KLHL1: variants seen among roughly 807,000 people sequenced by gnomAD.
KLHL1 encodes the protein kelch-like protein 1.
A neutral mutation model predicts 77.7 loss-of-function variants in KLHL1; 47 were observed. That is an observed-to-expected ratio of 0.60 (90% confidence interval 0.48 to 0.77). KLHL1 has a LOEUF of 0.77. Among genes scored for constraint, KLHL1 ranks in the 30% least tolerant of loss-of-function variants. The pLI is 0.00. For synonymous variants in KLHL1, 360 were observed against 325.2 expected, an observed-to-expected ratio of 1.11 and a Z score of -1.15; for missense variants, 925 against 910.8, an observed-to-expected ratio of 1.02 and a Z score of -0.20.
At chr13:69,777,132 C>T (rs1397777445) in intron 7 of KLHL1, among the ~76,000 whole-genome samples, 1 of 152,012 alleles carries the variant, frequency 6.6e-6, no homozygotes, top group African/African-American at 2.4e-5. Flanking sequence ...GGGCAGTTTC[C>T]CTGCACATGC....
chr13:69,825,938 T>A (rs1011850086), intron 6 of KLHL1, among the ~76,000 whole-genome samples: 65 of 152,212 alleles, frequency 4.3e-4, no homozygotes, highest in Admixed American at 2.0e-4. Flanking sequence ...ATTATAGAAC[T>A]TTTATTTGAC....
intron 6 of KLHL1, among the ~76,000 whole-genome samples, chr13:69,816,257 T>G (rs1828973893): frequency 1.3e-5 from 2 of 151,050 alleles, no homozygotes; most frequent in Admixed American, 1.3e-4. Context: ...AATGGAAAAT[T>G]TTTTTTCTTT....
chr13:69,740,497 G>C lies in KLHL1; in HGVS notation c.1699C>G (p.Leu567Val). Residue 567 changes from leucine (L) to valine (V), a missense_variant, in exon 8 of 11, where the codon CTG (leucine) becomes GTG (valine). Transcript: ENST00000377844. The stretch of plus-strand genomic sequence containing the variant: ...GGATCCCACCTTTCCACTGTATTCA[G>C]ATAGCTCCAGCCATCATGGCCTCCC... ...AVGGHDGWSY[L>V]NTVERWDPQS... The C allele has an allele frequency of 6.2e-7, 1 of 1,612,940 alleles. No individual in the cohort carries two copies.
At chr13:69,710,916 C>T (rs191858561) in intron 9 of KLHL1, among the ~76,000 whole-genome samples, 18 of 151,806 alleles carry the variant, frequency 1.2e-4, no homozygotes, top group East Asian at 1.2e-3. Context: ...GTGTGAGCTC[C>T]GTATCAGAGA....
At chr13:69,939,730 C>T (rs1043215704) in intron 4 of KLHL1, among the ~76,000 whole-genome samples, 4 of 151,546 alleles carry the variant, frequency 2.6e-5, no homozygotes, top group Non-Finnish European at 5.9e-5. Context: ...GGAGCCTATG[C>T]GCCCCTCTCC....
At chr13:69,997,337 T>G (rs1755983088) in intron 1 of KLHL1, among the ~76,000 whole-genome samples, 1 of 151,924 alleles carries the variant, frequency 6.6e-6, no homozygotes, top group Non-Finnish European at 1.5e-5. Context: ...AATATGTCTT[T>G]CATCAAATTG....
intron 4 of KLHL1, among the ~76,000 whole-genome samples, chr13:69,889,788 A>G (rs2138206961): frequency 6.6e-6 from 1 of 152,140 alleles, no homozygotes; most frequent in African/African-American, 2.4e-5. Flanking sequence ...ATGCATTCTT[A>G]TCAGAATTAG....
chr13:69,891,339 A>G (rs1266923616), intron 4 of KLHL1, among the ~76,000 whole-genome samples: 4 of 152,054 alleles, frequency 2.6e-5, no homozygotes, highest in African/African-American at 4.8e-5. Flanking sequence ...GAAGAATTTT[A>G]TAATTATCTC....
chr13:70,095,801 G>A (rs1740863817), intron 1 of KLHL1, among the ~76,000 whole-genome samples: 1 of 151,556 alleles, frequency 6.6e-6, no homozygotes, highest in South Asian at 2.1e-4. Flanking sequence ...CTGTATTTTT[G>A]TATTGAATAA....
chr13:69,734,260 C>G (rs867316792), intron 8 of KLHL1, among the ~76,000 whole-genome samples: 7 of 152,256 alleles, frequency 4.6e-5, no homozygotes, highest in Middle Eastern at 3.4e-3. Context: ...CCTGCTCCCC[C>G]CTGGCCTTCT....
At chr13:69,709,531 G>A (rs1372490979) in intron 9 of KLHL1, among the ~76,000 whole-genome samples, 5 of 152,040 alleles carry the variant, frequency 3.3e-5, no homozygotes, top group Admixed American at 2.6e-4. Context: ...AATTCAAACA[G>A]ACCAACTGTT....
At chr13:69,973,640 CGTT>C (rs1358494838) in intron 2 of KLHL1, among the ~76,000 whole-genome samples, 2 of 151,698 alleles carry the variant, frequency 1.3e-5, no homozygotes, top group Non-Finnish European at 2.9e-5. Flanking sequence ...GCTAGTTTTG[CGTT>C]AATTACAACT....
chr13:69,845,551 A>C (rs1313352291), intron 5 of KLHL1, among the ~76,000 whole-genome samples: 3 of 151,666 alleles, frequency 2.0e-5, no homozygotes, highest in African/African-American at 4.8e-5. Flanking sequence ...ATGAAACCAT[A>C]TTATATAGTT....
intron 1 of KLHL1, among the ~76,000 whole-genome samples, chr13:70,075,540 C>CAT (rs35414727): frequency 0.021 from 2,299 of 107,686 alleles, 86 homozygotes; most frequent in African/African-American, 0.069. Context: ...ATATTGCATA[C>CAT]ATATATATAT....
At chr13:70,098,632 A>T (rs1887847748) in intron 1 of KLHL1, among the ~76,000 whole-genome samples, 1 of 151,920 alleles carries the variant, frequency 6.6e-6, no homozygotes, top group African/African-American at 2.4e-5. Flanking sequence ...AATAAAGTAT[A>T]TTCAATTAAA....
At chr13:69,940,279 T>C (rs1233684878) in intron 3 of KLHL1, 43 bp from the exon 4 acceptor site, 4 of 1,434,706 alleles carry the variant, frequency 2.8e-6, no homozygotes, top group African/African-American at 2.9e-5. Flanking sequence ...TTTAAAAACA[T>C]GAAATAATAT....
chr13:69,851,108 T>TAC (rs10633347), intron 5 of KLHL1, among the ~76,000 whole-genome samples: 2 of 140,790 alleles, frequency 1.4e-5, no homozygotes, highest in Non-Finnish European at 3.1e-5. Flanking sequence ...ACATATATAC[T>TAC]TTTATTTTTT....
At chr13:69,777,524 T>A (rs910306844) in intron 7 of KLHL1, among the ~76,000 whole-genome samples, 6 of 152,184 alleles carry the variant, frequency 3.9e-5, no homozygotes, top group Non-Finnish European at 8.8e-5. Context: ...CATGAGATAA[T>A]CCAATATCAT....
rs1168051253 is a variant in KLHL1 at position 70,105,036 on chromosome 13, A to G, written c.497+2167T>C. ...AAATTTAAGAACATATAAATCCATCAAATACATACAGTGCTAGCTGATTTG... is the reference window on the plus strand; with the variant it reads ...AAATTTAAGAACATATAAATCCATCGAATACATACAGTGCTAGCTGATTTG... On this transcript the variant is annotated intron_variant, in intron 1 of 10. Transcript: ENST00000377844. Among the ~76,000 whole-genome samples, 5 of 152,040 alleles carry G rather than the reference A, an allele frequency of 3.3e-5. No homozygotes were observed. The East Asian group carries it at 9.6e-4, about 29-fold the overall frequency.
Sources: allele counts gnomAD v4.1 joint callset (sites outside exome capture counted in the v4.1 genomes callset), GRCh38; gene constraint gnomAD v4.1.1; transcripts MANE v1.5; gene names NCBI Gene and HGNC (gene_info 2026-07-23, HGNC 2026-07-21).